Variants in CRACR2A observed in about 807,000 individuals in gnomAD.
CRACR2A encodes calcium release activated channel regulator 2A.
Under a neutral mutation model 90.5 loss-of-function variants are expected in CRACR2A, and 79 were observed. The ratio of observed to expected loss-of-function variants is 0.87; its 90% confidence interval spans 0.73 to 1.05. The LOEUF (loss-of-function observed/expected upper bound fraction) is 1.05, where lower values mean the gene tolerates loss of function less well. Among genes scored for constraint, CRACR2A ranks in the 50% least tolerant of loss-of-function variants. The pLI, the probability that CRACR2A is intolerant of heterozygous loss-of-function variation, is 0.00. For synonymous variants in CRACR2A, 338 were observed against 356.7 expected (o/e 0.95, Z 0.59); for missense variants, 823 against 897.2 (o/e 0.92, Z 1.06).
At chr12:3,648,685 G>T in intron 10 of CRACR2A, 72 bp from the exon 11 acceptor site, 1 of 1,550,726 alleles carries the variant, frequency 6.4e-7, no homozygotes, top group South Asian at 1.2e-5. Context: ...TCATGCTGGA[G>T]ACCAGCAGGT....
intron 3 of CRACR2A, among the ~76,000 whole-genome samples, chr12:3,706,993 A>G (rs1945935466): frequency 6.6e-6 from 1 of 152,168 alleles, no homozygotes; most frequent in South Asian, 2.1e-4. Flanking sequence ...AGAACGAAAA[A>G]CAAAACAAAA....
intron 3 of CRACR2A, among the ~76,000 whole-genome samples, chr12:3,701,838 T>C (rs1036528723): frequency 6.6e-6 from 1 of 152,100 alleles, no homozygotes; most frequent in African/African-American, 2.4e-5. Flanking sequence ...AGCATTACCC[T>C]GATACCAAAA....
chr12:3,672,167 T>C (rs1945254824), intron 7 of CRACR2A, among the ~76,000 whole-genome samples: 3 of 152,188 alleles, frequency 2.0e-5, no homozygotes, highest in Non-Finnish European at 2.9e-5. Context: ...GATCTGTGTA[T>C]ACCCAATGGA....
intron 1 of CRACR2A, among the ~76,000 whole-genome samples, chr12:3,749,427 A>G (rs559677484): frequency 2.7e-4 from 41 of 152,270 alleles, no homozygotes; most frequent in African/African-American, 8.9e-4. Context: ...TTCCCAAAAT[A>G]TAGGTCCCCA....
Position 3,679,003 on chromosome 12 carries a change from C to T in CRACR2A, c.436G>A (p.Asp146Asn), listed in dbSNP as rs1385847114. The change falls in exon 6 of 20, where the codon GAT becomes AAT. Residue 146 changes from aspartate to asparagine, a missense_variant. Transcript: ENST00000440314. ...TCGCCCATGTCGCCCAGATCCTCAT[C>T]CCCTCTGGACAGATACACCTTCTCT... is the stretch of plus-strand genomic sequence containing the variant. ...HEEKVYLSRGDEDLGDMGEDE... is the reference protein window; with the variant it reads ...HEEKVYLSRGNEDLGDMGEDE... 8.7e-6 allele frequency: 14 copies of T among 1,614,126 alleles called. 1 individual carries two copies. The South Asian group carries it at 1.4e-4, about 16-fold the overall frequency.
At chr12:3,682,543 T>G (rs1346710937) in intron 4 of CRACR2A, among the ~76,000 whole-genome samples, 1 of 152,184 alleles carries the variant, frequency 6.6e-6, no homozygotes, top group Non-Finnish European at 1.5e-5. Flanking sequence ...TTCTTACTAC[T>G]CAAGTGCTGG....
chr12:3,748,364 C>T (rs967619116), intron 1 of CRACR2A, among the ~76,000 whole-genome samples: 1 of 152,266 alleles, frequency 6.6e-6, no homozygotes, highest in Non-Finnish European at 1.5e-5. Flanking sequence ...CACCATAGAG[C>T]CTGCTGCCCC....
At chr12:3,717,702 A>C (rs1292971980) in intron 2 of CRACR2A, among the ~76,000 whole-genome samples, 1 of 152,226 alleles carries the variant, frequency 6.6e-6, no homozygotes, top group Non-Finnish European at 1.5e-5. Context: ...CGGCTTTCAA[A>C]GATTACGCTA....
chr12:3,715,053 T>C (rs1461462998), intron 2 of CRACR2A, among the ~76,000 whole-genome samples: 1 of 152,234 alleles, frequency 6.6e-6, no homozygotes, highest in Non-Finnish European at 1.5e-5. Context: ...GTCCCAAACC[T>C]TGCCATCTCC....
Position 3,648,087 on chromosome 12 carries a change from A to T in CRACR2A, c.1118+455T>A, listed in dbSNP as rs887305. ...CGGATTTCCATTCTGGCCCCATCAGAGAGTAGCTGTGTCGCCTGTGGTAAA... is the reference window on the plus strand; with the variant it reads ...CGGATTTCCATTCTGGCCCCATCAGTGAGTAGCTGTGTCGCCTGTGGTAAA... On this transcript the variant is annotated intron_variant, in intron 11 of 19. Transcript: ENST00000440314. The T allele has an allele frequency of 6.0e-6, 6 of 996,028 alleles. No individual in the cohort carries two copies. The South Asian group carries it at 1.9e-4, about 31-fold the overall frequency. 61.7% of individuals were successfully genotyped at this position (996,028 alleles called of 1,614,324 possible).
At chr12:3,719,758 C>T (rs1486754992) in intron 2 of CRACR2A, among the ~76,000 whole-genome samples, 1 of 152,188 alleles carries the variant, frequency 6.6e-6, no homozygotes, top group Non-Finnish European at 1.5e-5. Flanking sequence ...ATGGACTTAT[C>T]TCTCTTATAT....
chr12:3,619,445 G>T, intron 17 of CRACR2A, 73 bp from the exon 18 acceptor site: 1 of 1,232,844 alleles, frequency 8.1e-7, no homozygotes, highest in African/African-American at 1.5e-5. Flanking sequence ...AACAATGCCG[G>T]CTGGACAGAT....
intron 1 of CRACR2A, among the ~76,000 whole-genome samples, chr12:3,738,201 G>A (rs1022263575): frequency 2.0e-5 from 3 of 152,166 alleles, no homozygotes; most frequent in Non-Finnish European, 4.4e-5. Flanking sequence ...GGCAGGCTAA[G>A]TACCTAGATG....
intron 1 of CRACR2A, among the ~76,000 whole-genome samples, chr12:3,749,766 T>C (rs1472371131): frequency 6.6e-6 from 1 of 151,466 alleles, no homozygotes; most frequent in East Asian, 1.9e-4. Flanking sequence ...AATGTGCTGG[T>C]TTTTGTTGTT....
At chr12:3,689,654 T>A (rs1278002614) in intron 4 of CRACR2A, among the ~76,000 whole-genome samples, 1 of 152,170 alleles carries the variant, frequency 6.6e-6, no homozygotes, top group Non-Finnish European at 1.5e-5. Flanking sequence ...TGAAGTTTTC[T>A]TTTTTTGTTG....
intron 8 of CRACR2A, 77 bp from the exon 9 acceptor site, chr12:3,656,483 G>C: frequency 1.5e-6 from 2 of 1,325,730 alleles, no homozygotes; most frequent in South Asian, 2.4e-5. Context: ...TTCCCACCTT[G>C]AACCTACTCA....
At chr12:3,658,597 C>T (rs1476932749) in intron 8 of CRACR2A, among the ~76,000 whole-genome samples, 1 of 152,150 alleles carries the variant, frequency 6.6e-6, no homozygotes, top group African/African-American at 2.4e-5. Flanking sequence ...AAAAGCACTC[C>T]GATTCCCTCA....
intron 3 of CRACR2A, among the ~76,000 whole-genome samples, chr12:3,710,269 T>C (rs1945988684): frequency 6.6e-6 from 1 of 152,236 alleles, no homozygotes; most frequent in Admixed American, 6.5e-5. Context: ...TCATCTGGCA[T>C]GCCCTTTCTG....
At chr12:3,637,519 C>T (rs756107928) in intron 14 of CRACR2A, among the ~76,000 whole-genome samples, 9 of 151,908 alleles carry the variant, frequency 5.9e-5, no homozygotes, top group Non-Finnish European at 1.2e-4. Context: ...TCCTTCTTGC[C>T]TTTGTTAAAT....
Sources: allele counts gnomAD v4.1 joint callset (sites outside exome capture counted in the v4.1 genomes callset), GRCh38; gene constraint gnomAD v4.1.1; transcripts MANE v1.5; gene names NCBI Gene and HGNC (gene_info 2026-07-23, HGNC 2026-07-21).